BPIFA1: variants seen among roughly 807,000 people sequenced by gnomAD.
BPIFA1 encodes the protein BPI fold containing family A member 1, also known as BPI fold-containing family A member 1.
Under a neutral mutation model 25.1 loss-of-function variants are expected in BPIFA1, and 24 were observed. The observed-to-expected ratio is 0.96, with a 90% CI of 0.69 to 1.35. BPIFA1 has a LOEUF of 1.35. BPIFA1 is among the 40% of genes most tolerant of loss of function. BPIFA1 has a pLI of 0.00. For missense variants in BPIFA1, 344 were observed against 303.7 expected (o/e 1.13, Z -0.99); for synonymous variants, 139 against 131.8 (o/e 1.05, Z -0.37).
At chr20:33,237,907 T>C (rs2889735) in intron 2 of BPIFA1, 36 bp downstream of exon 2, 9 of 315,638 alleles carry the variant, frequency 2.9e-5, no homozygotes, top group Non-Finnish European at 3.0e-5. Context: ...CATGTGTGTG[T>C]GTGTGTGTGT....
chr20:33,238,555 G>A (rs538020072), intron 3 of BPIFA1, among the ~76,000 whole-genome samples: 2 of 152,342 alleles, frequency 1.3e-5, no homozygotes, highest in South Asian at 4.1e-4. Context: ...GATGCCAAGT[G>A]AGTAAGGCTC....
chr20:33,242,210 G>GGGTGT, intron 7 of BPIFA1, 91 bp downstream of exon 7: 2 of 1,328,812 alleles, frequency 1.5e-6, no homozygotes, highest in Non-Finnish European at 2.2e-6. Flanking sequence ...TAGGATACTA[G>GGGTGT]GTCCCTCTGG....
Position 33,237,728 on chromosome 20 carries a change from G to A in BPIFA1, c.17G>A (p.Gly6Asp), listed in dbSNP as rs754657733. The change falls in exon 2 of 9, where the codon GGC (glycine) becomes GAC (aspartate). Residue 6 changes from glycine to aspartate, a missense_variant. By Grantham distance (94) the Gly-to-Asp change is moderately conservative (BLOSUM62 -1). Transcript: ENST00000354297. MFQTG[G>D]LIVFYGLLAQ... ...AGAGCAAAGATGTTTCAAACTGGGG[G>A]CCTCATTGTCTTCTACGGGCTGTTA... The A allele has an allele frequency of 2.0e-6, 3 of 1,463,662 alleles. No individual in the cohort carries two copies. Among genetic ancestry groups the A allele is most frequent in the South Asian group, 1.6e-5 (1 of 64,486 alleles). The allele number at this position is 1,463,662 out of a possible 1,614,324, so 90.7% of individuals were successfully genotyped here.
In BPIFA1 at chr20:33,237,790, C is replaced by T. The variant is rs561854574; in HGVS notation, c.79C>T (p.Pro27Ser). 6.3e-6 allele frequency: 10 copies of T among 1,599,054 alleles called. No individual in the cohort carries two copies. The highest frequency in any genetic ancestry group is 5.6e-5 in the South Asian group (5 of 88,516). The change falls in exon 2 of 9, where the codon CCC becomes TCC. Residue 27 changes from proline (P) to serine (S), a missense_variant. Transcript: ENST00000354297. ...GGCCCAGTTTGGAGGCCTGCCCGTG[C>T]CCCTGGACCAGACCCTGCCCTTGAA... ...TMAQFGGLPV[P>S]LDQTLPLNVN... is the part of the protein sequence containing the mutation.
At chr20:33,242,683 C>A in intron 8 of BPIFA1, 122 bp downstream of exon 8, 1 of 686,374 alleles carries the variant, frequency 1.5e-6, no homozygotes, top group South Asian at 1.8e-5. Flanking sequence ...CAGAGGTACA[C>A]ACAGGGATGC....
intron 7 of BPIFA1, 27 bp downstream of exon 7, chr20:33,242,146 T>C (rs1210732330): frequency 6.2e-7 from 1 of 1,610,374 alleles, no homozygotes; most frequent in Admixed American, 1.7e-5. Flanking sequence ...AAGCCCTCTG[T>C]CCCTCTCTGC....
intron 4 of BPIFA1, 137 bp downstream of exon 4, chr20:33,240,047 G>C: frequency 7.6e-7 from 1 of 1,317,072 alleles, no homozygotes; most frequent in East Asian, 2.3e-5. Context: ...TATGCTAAGT[G>C]GCCTTGGGTC....
intron 6 of BPIFA1, 145 bp from the exon 7 acceptor site, chr20:33,241,911 G>T (rs1978995669): frequency 2.7e-6 from 2 of 728,398 alleles, no homozygotes; most frequent in East Asian, 2.7e-5. Context: ...TTCTCCTCAG[G>T]CATGTGTGAC....
In BPIFA1 at chr20:33,242,509, G is replaced by C; in HGVS notation, c.753G>C (p.Gln251His). ...DIVNMLIHGL[Q>H]FVIKV ...TAGACATGCTGATCCACGGACTACA[G>C]TTTGTCATCAAGGTCTAAGCCTTCC... Residue 251 changes from glutamine (Q) to histidine (H), a missense_variant, in exon 8 of 9, where the codon CAG becomes CAC. By Grantham distance (24) the Gln-to-His change is conservative. Transcript: ENST00000354297. 6.2e-7 allele frequency: 1 copy of C among 1,614,148 alleles called. No individual in the cohort carries two copies. Among genetic ancestry groups the C allele is most frequent in the Non-Finnish European group, 8.5e-7 (1 of 1,180,002 alleles).
rs771400366 is a variant in BPIFA1 at position 33,240,319 on chromosome 20, G to A, written c.515G>A (p.Arg172Lys). The change falls in exon 5 of 9, where the codon AGG (arginine) becomes AAG (lysine). Residue 172 changes from arginine (R) to lysine (K), a missense_variant. Arg to Lys is a conservative substitution (Grantham distance 26). Coordinates refer to ENST00000354297, the MANE Select transcript of BPIFA1 (RefSeq NM_130852.3). ...EILAVRDKQE[R>K]IHLVLGDCTH... is the part of the protein sequence containing the mutation. ...TTAGCTGTGAGAGATAAGCAGGAGA[G>A]GATCCACCTGGTCCTTGGTGACTGC... 1 of 1,614,124 alleles carries A rather than the reference G, an allele frequency of 6.2e-7. No homozygotes were observed. Among genetic ancestry groups the A allele is most frequent in the South Asian group, 1.1e-5 (1 of 91,078 alleles).
At chr20:33,242,269 T>C in intron 7 of BPIFA1, 150 bp downstream of exon 7, 1 of 999,854 alleles carries the variant, frequency 1.0e-6, no homozygotes, top group Non-Finnish European at 1.5e-6. Context: ...ATAATCCAGA[T>C]AATTTTGAGA....
In BPIFA1 at chr20:33,243,272, T is replaced by C. The variant is rs535447318; in HGVS notation, c.*200T>C. ...CCCACCAGGCGTGTGTAACATCCCA[T>C]GTGCCTCACCTAATAAAATGGCTCT... On this transcript the variant is annotated 3_prime_UTR_variant, in exon 9 of 9. Coordinates refer to ENST00000354297, the MANE Select transcript of BPIFA1 (RefSeq NM_130852.3). 12 of 152,408 alleles carry C rather than the reference T, an allele frequency of 7.9e-5. No homozygotes were observed. Among genetic ancestry groups the C allele is most frequent in the Admixed American group, 7.2e-4 (11 of 15,290 alleles). 9.4% of individuals were successfully genotyped at this position (152,408 alleles called of 1,614,324 possible).
chr20:33,238,406 C>A, intron 3 of BPIFA1, among the ~76,000 whole-genome samples, 192 bp downstream of exon 3: 1 of 152,194 alleles, frequency 6.6e-6, no homozygotes, highest in Admixed American at 6.5e-5. Flanking sequence ...ACCAGCAATG[C>A]CCTCAGTTCT....
At chr20:33,237,524 A>C (rs1266589381) in intron 1 of BPIFA1, among the ~76,000 whole-genome samples, 173 bp from the exon 2 acceptor site, 1 of 152,126 alleles carries the variant, frequency 6.6e-6, no homozygotes, top group African/African-American at 2.4e-5. Flanking sequence ...AATTGTGTAA[A>C]GTGGTCAGCC....
rs1054750883 is a variant in BPIFA1 at position 33,238,215 on chromosome 20, G to A, written c.320+1G>A. 6.2e-7 allele frequency: 1 copy of A among 1,611,674 alleles called. No individual in the cohort carries two copies. The highest frequency in any genetic ancestry group is 1.7e-5 in the Admixed American group (1 of 59,692). ...TTCCTGGCCTGAACAACATCATTGA[G>A]TGAGTTGTCCTAAAATAGAGCTTTG... On this transcript the variant is annotated splice_donor_variant, in intron 3 of 8. Transcript: ENST00000354297. LOFTEE classifies it high-confidence loss of function.
chr20:33,240,398 G>A lies in BPIFA1; in HGVS notation c.581+13G>A, dbSNP rs756402995. 2 of 1,613,604 alleles carry A rather than the reference G, an allele frequency of 1.2e-6. No individual in the cohort carries two copies. Among genetic ancestry groups the A allele is most frequent in the South Asian group, 1.1e-5 (1 of 90,976 alleles). On this transcript the variant is annotated intron_variant, in intron 5 of 8. Transcript: ENST00000354297. ...CTCTGCTTGATGGGTGAGGCCAGAGGAGCAGCTTATCCTGCCCAGAGATGA... is the reference window on the plus strand; with the variant it reads ...CTCTGCTTGATGGGTGAGGCCAGAGAAGCAGCTTATCCTGCCCAGAGATGA...
At chr20:33,238,548 G>T (rs946187381) in intron 3 of BPIFA1, among the ~76,000 whole-genome samples, 2 of 152,234 alleles carry the variant, frequency 1.3e-5, no homozygotes, top group African/African-American at 4.8e-5. Context: ...CTAGAGTGAT[G>T]CCAAGTGAGT....
chr20:33,238,240 G>A (rs778654580), intron 3 of BPIFA1, 26 bp downstream of exon 3: 6 of 1,595,298 alleles, frequency 3.8e-6, no homozygotes, highest in Non-Finnish European at 5.1e-6. Flanking sequence ...ATAGAGCTTT[G>A]ATCTCCACCA....
Position 33,238,207 on chromosome 20 carries a change from A to G in BPIFA1, c.313A>G (p.Ile105Val). 6.2e-7 allele frequency: 1 copy of G among 1,612,580 alleles called. No individual in the cohort carries two copies. The highest frequency in any genetic ancestry group is 2.2e-5 in the East Asian group (1 of 44,852). ...VTSVIPGLNN[I>V]IDIKVTDPQL... ...GTCAGTGATTCCTGGCCTGAACAAC[A>G]TCATTGAGTGAGTTGTCCTAAAATA... Residue 105 changes from isoleucine (I) to valine (V), a missense_variant, in exon 3 of 9, where the codon ATC (isoleucine) becomes GTC (valine). Physicochemically the swap from Ile to Val is conservative, Grantham distance 29. Transcript: ENST00000354297.
Sources: gnomAD v4.1 joint callset for allele counts (sites outside exome capture counted in the v4.1 genomes callset) on GRCh38, gnomAD v4.1.1 for gene constraint, MANE v1.5 for transcripts, NCBI Gene and HGNC (gene_info 2026-07-23, HGNC 2026-07-21) for gene names.